Variants in ZNF671 observed in about 807,000 individuals in gnomAD.
The protein encoded by ZNF671 is hypothetical protein FLJ23506.
Under a neutral mutation model 16.6 loss-of-function variants are expected in ZNF671, and 19 were observed. The observed-to-expected ratio is 1.14, with a 90% CI of 0.80 to 1.68. ZNF671 has a LOEUF of 1.68. Ranked by LOEUF, ZNF671 falls within the 40% of genes most tolerant of loss-of-function variation. The pLI is 0.00. For synonymous variants in ZNF671, 238 were observed against 236.3 expected, an observed-to-expected ratio of 1.01 and a Z score of -0.06; for missense variants, 637 against 659.8, an observed-to-expected ratio of 0.97 and a Z score of 0.38.
intron 1 of ZNF671, among the ~76,000 whole-genome samples, chr19:57,724,348 C>T (rs1474244096): frequency 3.9e-5 from 6 of 152,044 alleles, no homozygotes; most frequent in Non-Finnish European, 8.8e-5. Context: ...GATTGGACAC[C>T]CCTGATTTAA....
At chr19:57,723,435 GT>G in intron 1 of ZNF671, 95 bp from the exon 2 acceptor site, 1 of 1,465,378 alleles carries the variant, frequency 6.8e-7, no homozygotes. Flanking sequence ...AACCTCCCAG[GT>G]TCCCAAGTCA....
rs866244505 is a variant in ZNF671 at position 57,720,656 on chromosome 19, T to C, written c.1430A>G (p.Lys477Arg). The C allele has an allele frequency of 6.2e-7, 1 of 1,614,018 alleles. No homozygotes were observed. Among genetic ancestry groups the C allele is most frequent in the Non-Finnish European group, 8.5e-7 (1 of 1,180,030 alleles). The change falls in exon 4 of 4, where the codon AAG becomes AGG. Residue 477 changes from lysine (K) to arginine (R), a missense_variant. Transcript: ENST00000317398. ...IQHQKVHSGE[K>R]PYECSKCGKA... is the part of the protein sequence containing the mutation. ...CCCGCACTTGCTGCACTCATAAGGC[T>C]TTTCTCCAGAGTGAACTTTCTGGTG...
rs541205850 is a variant in ZNF671, at chr19:57,723,557, ACT to A, written c.139-219_139-218del. 1.4e-4 allele frequency among the ~76,000 whole-genome samples: 22 copies of A among 152,066 alleles called. No homozygotes were observed. In the South Asian group the frequency reaches 3.5e-3, roughly 24 times the overall value. On this transcript the variant is annotated intron_variant, in intron 1 of 3. Transcript: ENST00000317398. ...AGGCTGACAGATAAATGCCATTTAC[ACT>A]CTGAGCCAGCCAACTCCCCTGGGGT...
At position 57,721,172 on chromosome 19, in the gene ZNF671, C is replaced by A; in HGVS notation, c.914G>T (p.Arg305Ile). 1 of 1,613,650 alleles carries A rather than the reference C, an allele frequency of 6.2e-7. No individual in the cohort carries two copies. The highest frequency in any genetic ancestry group is 8.5e-7 in the Non-Finnish European group (1 of 1,179,620). Reference protein sequence around the residue: ...TRKDTLARHQRIHTGERPYEC... With the variant: ...TRKDTLARHQIIHTGERPYEC... ...ATAAGGCCTTTCTCCAGTGTGGATT[C>A]TCTGATGCCGAGCAAGTGTGTCTTT... Residue 305 changes from arginine (R) to isoleucine (I), a missense_variant, in exon 4 of 4, where the codon AGA becomes ATA. Arg to Ile is a moderately conservative substitution (Grantham distance 97, BLOSUM62 -3). Transcript: ENST00000317398.
Position 57,720,996 on chromosome 19 carries a change from T to C in ZNF671, c.1090A>G (p.Thr364Ala). Reference sequence around the variant, plus strand: ...CCACACTGATAGAGTCTTTCACCCGTGTGAACTCGCCTGTGCTCAATCAGG... The same window carrying C: ...CCACACTGATAGAGTCTTTCACCCGCGTGAACTCGCCTGTGCTCAATCAGG... ...SGLIEHRRVH[T>A]GERLYQCGKC... is the part of the protein sequence containing the mutation. The change falls in exon 4 of 4, where the codon ACG (threonine) becomes GCG (alanine). Residue 364 changes from threonine to alanine, a missense_variant. Coordinates refer to ENST00000317398, the MANE Select transcript of ZNF671 (RefSeq NM_024833.3). The C allele has an allele frequency of 6.2e-7, 1 of 1,614,206 alleles. No homozygotes were observed. The highest frequency in any genetic ancestry group is 8.5e-7 in the Non-Finnish European group (1 of 1,180,032).
At chr19:57,726,089 CG>C (rs1986037491) in intron 1 of ZNF671, among the ~76,000 whole-genome samples, 11 of 122,398 alleles carry the variant, frequency 9.0e-5, no homozygotes, top group Non-Finnish European at 1.2e-4. Context: ...CCCACTCCCC[CG>C]CCCCCACCCC....
At chr19:57,726,473 C>T (rs2122472904) in intron 1 of ZNF671, among the ~76,000 whole-genome samples, 1 of 152,124 alleles carries the variant, frequency 6.6e-6, no homozygotes, top group East Asian at 1.9e-4. Context: ...GAAAAGAACC[C>T]TTTCAAATGG....
At chr19:57,721,853 A>G in intron 3 of ZNF671, 156 bp from the exon 4 acceptor site, 1 of 1,062,116 alleles carries the variant, frequency 9.4e-7, no homozygotes, top group South Asian at 1.6e-5. Context: ...GCTTTGAGGT[A>G]GTGAGCCTCT....
intron 3 of ZNF671, 120 bp downstream of exon 3, chr19:57,722,196 A>G (rs147076390): frequency 1.6e-5 from 24 of 1,464,962 alleles, no homozygotes; most frequent in South Asian, 1.2e-4. Context: ...AAGAACAGGA[A>G]AGGACAGATA....
chr19:57,727,209 CA>C, intron 1 of ZNF671, 181 bp downstream of exon 1: 1 of 748,184 alleles, frequency 1.3e-6, no homozygotes, highest in Non-Finnish European at 2.0e-6. Context: ...TGGGGGTCAG[CA>C]GCACCCCCGA....
chr19:57,720,525 T>TCG lies in ZNF671; in HGVS notation c.1560_1561insCG (p.Thr521ArgfsTer38), dbSNP rs765340199. 65 of 1,614,242 alleles carry TCG rather than the reference T, an allele frequency of 4.0e-5. No homozygotes were observed. The highest frequency in any genetic ancestry group is 5.4e-5 in the Non-Finnish European group (64 of 1,180,030). On this transcript the variant is annotated frameshift_variant, in exon 4 of 4. Coordinates refer to ENST00000317398, the MANE Select transcript of ZNF671 (RefSeq NM_024833.3). LOFTEE classifies it low-confidence loss of function (END_TRUNC). ...TGAACCCTCTGGTGCAGAACAAGTG[T>TCG]CTGTTTCCGGATGAATTCTCTCCCG...
intron 1 of ZNF671, among the ~76,000 whole-genome samples, chr19:57,726,515 G>A (rs1986054828): frequency 1.3e-5 from 2 of 151,686 alleles, no homozygotes; most frequent in African/African-American, 4.8e-5. Flanking sequence ...GGAGTCTCAA[G>A]AATGCCCACT....
chr19:57,720,880 A>G lies in ZNF671; in HGVS notation c.1206T>C (p.Cys402=). 1 of 1,614,070 alleles carries G rather than the reference A, an allele frequency of 6.2e-7. No homozygotes were observed. Among genetic ancestry groups the G allele is most frequent in the Non-Finnish European group, 8.5e-7 (1 of 1,180,036 alleles). The change falls in exon 4 of 4, where the codon TGT becomes TGC. Residue 402 remains cysteine (C), a synonymous_variant. Transcript: ENST00000317398. ...TGARPYVCSE[C]GKEFSRKHTL... ...TGTGTTTCCGACTGAACTCTTTCCC[A>G]CATTCGCTGCATACATAAGGCCTGG... is the stretch of plus-strand genomic sequence containing the variant.
At position 57,720,582 on chromosome 19, in the gene ZNF671, T is replaced by A; in HGVS notation, c.1504A>T (p.Thr502Ser). 1.2e-6 allele frequency: 2 copies of A among 1,614,212 alleles called. No homozygotes were observed. The highest frequency in any genetic ancestry group is 8.5e-7 in the Non-Finnish European group (1 of 1,180,024). Residue 502 changes from threonine to serine, a missense_variant, in exon 4 of 4, where the codon ACT (threonine) becomes TCT (serine). Coordinates refer to ENST00000317398, the MANE Select transcript of ZNF671 (RefSeq NM_024833.3). ...CTACACACATAAGGCCTTTCCCCAGTGTGGACTTTCCAGTGCCTGATGAGG... is the reference window on the plus strand; with the variant it reads ...CTACACACATAAGGCCTTTCCCCAGAGTGGACTTTCCAGTGCCTGATGAGG... ...PNLIRHWKVH[T>S]GERPYVCSEC...
Position 57,723,286 on chromosome 19 carries a change from G to A in ZNF671, c.193C>T (p.Leu65Phe). Residue 65 changes from leucine (L) to phenylalanine (F), a missense_variant, in exon 2 of 4, where the codon CTT (leucine) becomes TTT (phenylalanine). Physicochemically the swap from Leu to Phe is conservative, Grantham distance 22. Coordinates refer to ENST00000317398, the MANE Select transcript of ZNF671 (RefSeq NM_024833.3). The part of the protein sequence containing the change: ...FVYFSREEWE[L>F]LDDAQRLLYH... ...AAAAGTCTCTGAGCATCATCAAGAA[G>A]CTCCCATTCTTCCCGAGAGAAGTAT... The A allele has an allele frequency of 6.2e-7, 1 of 1,613,770 alleles. No individual in the cohort carries two copies. The highest frequency in any genetic ancestry group is 1.3e-5 in the African/African-American group (1 of 75,014).
In ZNF671 at chr19:57,721,301, G is replaced by C; in HGVS notation, c.785C>G (p.Ser262Cys). ...ATSGLLQHQA[S>C]LSSMKPHKST... is the part of the protein sequence containing the mutation. ...CTTGTGGGGCTTCATGCTGCTGAGA[G>C]AGGCCTGATGCTGAAGAAGGCCAGA... The change falls in exon 4 of 4, where the codon TCT becomes TGT. Residue 262 changes from serine to cysteine, a missense_variant. Ser to Cys is a moderately radical substitution (Grantham distance 112). Coordinates refer to ENST00000317398, the MANE Select transcript of ZNF671 (RefSeq NM_024833.3). The C allele has an allele frequency of 6.3e-7, 1 of 1,597,396 alleles. No homozygotes were observed. The highest frequency in any genetic ancestry group is 1.1e-5 in the South Asian group (1 of 88,576).
intron 3 of ZNF671, 21 bp downstream of exon 3, chr19:57,722,295 C>T (rs1985904006): frequency 6.2e-7 from 1 of 1,612,906 alleles, no homozygotes; most frequent in African/African-American, 1.3e-5. Flanking sequence ...GACATCGTGC[C>T]CTTCCCCGAT....
At position 57,720,669 on chromosome 19, in the gene ZNF671, G is replaced by C; in HGVS notation, c.1417C>G (p.His473Asp). The change falls in exon 4 of 4, where the codon CAC becomes GAC. Residue 473 changes from histidine to aspartate, a missense_variant. Transcript: ENST00000317398. ...CACTCATAAGGCTTTTCTCCAGAGT[G>C]AACTTTCTGGTGCTGAATGAGTTTG... ...ISKLIQHQKV[H>D]SGEKPYECSK... 1 of 1,614,222 alleles carries C rather than the reference G, an allele frequency of 6.2e-7. No individual in the cohort carries two copies. The highest frequency in any genetic ancestry group is 8.5e-7 in the Non-Finnish European group (1 of 1,180,050).
chr19:57,721,525 G>C lies in ZNF671; in HGVS notation c.561C>G (p.Ala187=), dbSNP rs1333813314. 4 of 1,614,198 alleles carry C rather than the reference G, an allele frequency of 2.5e-6. No homozygotes were observed. The highest frequency in any genetic ancestry group is 1.1e-5 in the South Asian group (1 of 91,088). ...CCCCACACAAGTATGGTTTCTGCCT[G>C]GCTTTTCCCCCATGGTATTTAGCCA... is the stretch of plus-strand genomic sequence containing the variant. The part of the protein sequence containing the change: ...LHLAKYHGGK[A]RQKPYLCGAC... The change falls in exon 4 of 4, where the codon GCC becomes GCG. Residue 187 remains alanine (A), a synonymous_variant. Coordinates refer to ENST00000317398, the MANE Select transcript of ZNF671 (RefSeq NM_024833.3).
Sources: gnomAD v4.1 joint callset for allele counts (sites outside exome capture counted in the v4.1 genomes callset) on GRCh38, gnomAD v4.1.1 for gene constraint, MANE v1.5 for transcripts, NCBI Gene and HGNC (gene_info 2026-07-23, HGNC 2026-07-21) for gene names.